The following RASSF7 variants were observed in gnomAD, a reference collection of about 807,000 sequenced individuals.
RASSF7 encodes the protein Ras association domain family member 7, also known as ras association domain-containing protein 7.
A neutral mutation model predicts 33.8 loss-of-function variants in RASSF7; 41 were observed. The observed-to-expected ratio is 1.21, with a 90% CI of 0.95 to 1.57. The LOEUF is 1.57. Ranked by LOEUF, RASSF7 falls within the 40% of genes most tolerant of loss-of-function variation. The probability of loss-of-function intolerance (pLI) is 0.00; values close to 1 mark genes in which losing one functional copy is unlikely to be tolerated. For synonymous variants in RASSF7, 298 were observed against 212.8 expected (o/e 1.40, Z -3.48); for missense variants, 622 against 497.0 (o/e 1.25, Z -2.39).
At chr11:563,079 G>A (rs889517839) in intron 3 of RASSF7, 110 bp from the exon 4 acceptor site, 7 of 1,095,464 alleles carry the variant, frequency 6.4e-6, no homozygotes, top group South Asian at 3.2e-5. Context: ...AACCCCTGAC[G>A]TGGGCAGATA....
Position 562,367 on chromosome 11 carries a change from G to T in RASSF7, c.413G>T (p.Arg138Leu). 1.9e-6 allele frequency: 3 copies of T among 1,596,688 alleles called. No homozygotes were observed. The highest frequency in any genetic ancestry group is 2.6e-6 in the Non-Finnish European group (3 of 1,172,206). Residue 138 changes from arginine to leucine, a missense_variant, in exon 3 of 6, where the codon CGC (arginine) becomes CTC (leucine). Transcript: ENST00000397583. ...CCCGAGCCAGCCCCCAGCCTCTCACGCCCTGGGCCTGCGGCCCCTGTGACA... is the reference window on the plus strand; with the variant it reads ...CCCGAGCCAGCCCCCAGCCTCTCACTCCCTGGGCCTGCGGCCCCTGTGACA... Reference protein sequence around the residue: ...LTPEPAPSLSRPGPAAPVTPT... With the variant: ...LTPEPAPSLSLPGPAAPVTPT...
At chr11:561,705 A>C (rs1853317316) in intron 1 of RASSF7, 57 bp from the exon 2 acceptor site, 2 of 1,605,760 alleles carry the variant, frequency 1.2e-6, no homozygotes, top group Non-Finnish European at 1.7e-6. Flanking sequence ...GGAGAGGAGG[A>C]CCAGCCTGCG....
intron 1 of RASSF7, 26 bp downstream of exon 1, chr11:561,503 C>T (rs1853301149): frequency 2.2e-6 from 3 of 1,365,012 alleles, no homozygotes; most frequent in South Asian, 1.7e-5. Flanking sequence ...AATGCTGGAT[C>T]TGGTTAATGA....
intron 3 of RASSF7, 138 bp from the exon 4 acceptor site, chr11:563,051 G>A: frequency 1.2e-6 from 1 of 864,604 alleles, no homozygotes; most frequent in South Asian, 1.8e-5. Flanking sequence ...CCGGGGACCT[G>A]ATCCCCTGTC....
At chr11:563,125 C>T (rs1297579151) in intron 3 of RASSF7, 64 bp from the exon 4 acceptor site, 4 of 1,444,902 alleles carry the variant, frequency 2.8e-6, no homozygotes, top group South Asian at 1.3e-5. Context: ...AAAGTGCTCC[C>T]TCCGGAGCAC....
Position 561,083 on chromosome 11 carries a change from G to A in RASSF7, c.-402G>A. ...CTTGGGAGCGCGGGGCGCGCCTCGA[G>A]CCGGCCGGACGCCGACTCCAACTGG... On this transcript the variant is annotated 5_prime_UTR_variant, in exon 1 of 6. Coordinates refer to ENST00000397583, the MANE Select transcript of RASSF7 (RefSeq NM_003475.4). 1.0e-6 allele frequency: 1 copy of A among 987,774 alleles called. No homozygotes were observed. The highest frequency in any genetic ancestry group is 1.2e-6 in the Non-Finnish European group (1 of 831,776). The allele number at this position is 987,774 out of a possible 1,614,324, so 61.2% of individuals were successfully genotyped here.
In RASSF7 at chr11:563,565, C is replaced by A; in HGVS notation, c.1042C>A (p.His348Asn). ...GCCTGTGTCCTCCCGCAGTGGCCCCCATGACGCAGAACTCCTGGAGGTAGC... is the reference window on the plus strand; with the variant it reads ...GCCTGTGTCCTCCCGCAGTGGCCCCAATGACGCAGAACTCCTGGAGGTAGC... ...GAQPRPRGGP[H>N]DAELLEVAAA... is the part of the protein sequence containing the mutation. The change falls in exon 6 of 6, where the codon CAT becomes AAT. Residue 348 changes from histidine to asparagine, a missense_variant. His to Asn is a moderately conservative substitution (Grantham distance 68). Coordinates refer to ENST00000397583, the MANE Select transcript of RASSF7 (RefSeq NM_003475.4). 1 of 1,612,176 alleles carries A rather than the reference C, an allele frequency of 6.2e-7. No individual in the cohort carries two copies. The highest frequency in any genetic ancestry group is 1.1e-5 in the South Asian group (1 of 91,074).
At position 562,703 on chromosome 11, in the gene RASSF7, G is replaced by C. The variant is rs375190645; in HGVS notation, c.749G>C (p.Arg250Pro). The stretch of plus-strand genomic sequence containing the variant: ...CACCAGGACCTGGCTGTTCAGGAGC[G>C]GCAGAGTGCGGAGGTGCAGGGCAGC... ...RLHQDLAVQE[R>P]QSAEVQGSLA... The change falls in exon 3 of 6, where the codon CGG becomes CCG. Residue 250 changes from arginine (R) to proline (P), a missense_variant. Physicochemically the swap from Arg to Pro is moderately radical, Grantham distance 103. Coordinates refer to ENST00000397583, the MANE Select transcript of RASSF7 (RefSeq NM_003475.4). 7 of 1,542,568 alleles carry C rather than the reference G, an allele frequency of 4.5e-6. No homozygotes were observed. The African/African-American group carries it at 6.9e-5, about 15-fold the overall frequency.
At chr11:562,021 A>G in intron 2 of RASSF7, 58 bp from the exon 3 acceptor site, 1 of 1,514,360 alleles carries the variant, frequency 6.6e-7, no homozygotes, top group Non-Finnish European at 8.9e-7. Flanking sequence ...CCAACTCTTC[A>G]AGCCAGGTGG....
At position 562,381 on chromosome 11, in the gene RASSF7, G is replaced by A; in HGVS notation, c.427G>A (p.Ala143Thr). The part of the protein sequence containing the change: ...APSLSRPGPA[A>T]PVTPTPGCCT... ...CAGCCTCTCACGCCCTGGGCCTGCG[G>A]CCCCTGTGACACCCACACCAGGCTG... Residue 143 changes from alanine (A) to threonine (T), a missense_variant, in exon 3 of 6, where the codon GCC becomes ACC. Transcript: ENST00000397583. 6.3e-7 allele frequency: 1 copy of A among 1,582,586 alleles called. No homozygotes were observed. Among genetic ancestry groups the A allele is most frequent in the Non-Finnish European group, 8.6e-7 (1 of 1,164,496 alleles).
rs2134120820 is a variant in RASSF7, at chr11:562,296, A to G, written c.342A>G (p.Val114=). The change falls in exon 3 of 6, where the codon GTA becomes GTG. Residue 114 remains valine, a synonymous_variant. Coordinates refer to ENST00000397583, the MANE Select transcript of RASSF7 (RefSeq NM_003475.4). ...ERCLIRASLP[V]KPRAALGCEP... is the part of the protein sequence containing the mutation. ...GCCTAATTCGTGCCAGCCTCCCTGTAAAGCCACGGGCTGCGCTGGGCTGTG... is the reference window on the plus strand; with the variant it reads ...GCCTAATTCGTGCCAGCCTCCCTGTGAAGCCACGGGCTGCGCTGGGCTGTG... 3.1e-6 allele frequency: 5 copies of G among 1,612,710 alleles called. No homozygotes were observed. Among genetic ancestry groups the G allele is most frequent in the Non-Finnish European group, 4.2e-6 (5 of 1,179,956 alleles).
At position 562,125 on chromosome 11, in the gene RASSF7, G is replaced by A. The variant is rs527460859; in HGVS notation, c.171G>A (p.Glu57=). Residue 57 remains glutamate, a synonymous_variant, in exon 3 of 6, where the codon GAG becomes GAA. Transcript: ENST00000397583. ...TTGTGCAGCGGCTTCGGGAGAAGGAGCGGCAGTTGCTGCCACAAGAGTGTC... is the reference window on the plus strand; with the variant it reads ...TTGTGCAGCGGCTTCGGGAGAAGGAACGGCAGTTGCTGCCACAAGAGTGTC... ...FVLVQRLREK[E]RQLLPQECPV... 1.3e-6 allele frequency: 2 copies of A among 1,540,126 alleles called. No homozygotes were observed. The highest frequency in any genetic ancestry group is 2.5e-5 in the South Asian group (2 of 79,520).
rs1853330725 is a variant in RASSF7 at position 561,807 on chromosome 11, G to A, written c.39G>A (p.Trp13Ter). The A allele has an allele frequency of 3.1e-6, 5 of 1,613,394 alleles. No individual in the cohort carries two copies. Among genetic ancestry groups the A allele is most frequent in the Non-Finnish European group, 4.2e-6 (5 of 1,180,010 alleles). ...LGLAAMELKV[W>*]VDGIQRVVCG... is the part of the protein sequence containing the mutation. ...TGGCGGCCATGGAGCTGAAGGTGTG[G>A]GTGGATGGCATCCAGCGTGTGGTCT... Residue 13 changes from tryptophan (W) to a stop codon, truncating the protein, a stop_gained, in exon 2 of 6, where the codon TGG (tryptophan) becomes TGA (stop). Coordinates refer to ENST00000397583, the MANE Select transcript of RASSF7 (RefSeq NM_003475.4). LOFTEE classifies it high-confidence loss of function.
chr11:563,952 A>G lies in RASSF7; in HGVS notation c.*307A>G, dbSNP rs148507933. On this transcript the variant is annotated 3_prime_UTR_variant, in exon 6 of 6. Coordinates refer to ENST00000397583, the MANE Select transcript of RASSF7 (RefSeq NM_003475.4). ...GGGAGAGGTCCTTCACTGTGTGTAC[A>G]CAGCAAGAGCATGTGTGTGCCACTT... is the stretch of plus-strand genomic sequence containing the variant. 13 of 483,194 alleles carry G rather than the reference A, an allele frequency of 2.7e-5. No homozygotes were observed. The highest frequency in any genetic ancestry group is 1.1e-4 in the Admixed American group (3 of 26,476). The allele number at this position is 483,194 out of a possible 1,614,324, so 29.9% of individuals were successfully genotyped here.
At position 562,688 on chromosome 11, in the gene RASSF7, T is replaced by C. The variant is rs573358473; in HGVS notation, c.734T>C (p.Leu245Pro). The C allele has an allele frequency of 1.0e-5, 16 of 1,543,898 alleles. No individual in the cohort carries two copies. In the East Asian group the frequency reaches 3.9e-4, roughly 38 times the overall value. The stretch of plus-strand genomic sequence containing the variant: ...GCCACTGAGCGCCTGCACCAGGACC[T>C]GGCTGTTCAGGAGCGGCAGAGTGCG... The part of the protein sequence containing the change: ...ASATERLHQD[L>P]AVQERQSAEV... The change falls in exon 3 of 6, where the codon CTG becomes CCG. Residue 245 changes from leucine (L) to proline (P), a missense_variant. By Grantham distance (98) the Leu-to-Pro change is moderately conservative (BLOSUM62 -3). Transcript: ENST00000397583.
chr11:562,275 A>G lies in RASSF7; in HGVS notation c.321A>G (p.Leu107=). ...GCTGTCCACCCCCGGAACGCTGCCT[A>G]ATTCGTGCCAGCCTCCCTGTAAAGC... The part of the protein sequence containing the change: ...SDSCPPPERC[L]IRASLPVKPR... Residue 107 remains leucine, a synonymous_variant, in exon 3 of 6, where the codon CTA becomes CTG. Transcript: ENST00000397583. The G allele has an allele frequency of 6.2e-7, 1 of 1,612,868 alleles. No individual in the cohort carries two copies. Among genetic ancestry groups the G allele is most frequent in the East Asian group, 2.2e-5 (1 of 44,880 alleles).
chr11:561,749 G>T lies in RASSF7; in HGVS notation c.-7-13G>T. On this transcript the variant is annotated splice_polypyrimidine_tract_variant and intron_variant, in intron 1 of 5. Transcript: ENST00000397583. ...AGGCAGGTCCTGACCCGGTGCCTGCGCCCTCCCCACAGGACAGGCATGTTG... is the reference window on the plus strand; with the variant it reads ...AGGCAGGTCCTGACCCGGTGCCTGCTCCCTCCCCACAGGACAGGCATGTTG... 1 of 1,613,062 alleles carries T rather than the reference G, an allele frequency of 6.2e-7. No homozygotes were observed. Among genetic ancestry groups the T allele is most frequent in the Non-Finnish European group, 8.5e-7 (1 of 1,179,984 alleles).
chr11:562,790 C>T lies in RASSF7; in HGVS notation c.822+14C>T. On this transcript the variant is annotated intron_variant, in intron 3 of 5. Transcript: ENST00000397583. ...CGAGCCTTGCAGGTGAGCCCGGGGA[C>T]CTGATCCCCTGTCACTCCCCCACCC... 6.9e-7 allele frequency: 1 copy of T among 1,456,582 alleles called. No homozygotes were observed. 90.2% of individuals were successfully genotyped at this position (1,456,582 alleles called of 1,614,324 possible).
At position 563,739 on chromosome 11, in the gene RASSF7, TG is replaced by T. The variant is rs965310076; in HGVS notation, c.*97del. ...TCCTCTGCCAGGCAGTGGGAAGCCCTGGGTTTGGCCTCAGGAGCTGGGGGTG... is the reference window on the plus strand; with the variant it reads ...TCCTCTGCCAGGCAGTGGGAAGCCCTGGTTTGGCCTCAGGAGCTGGGGGTG... On this transcript the variant is annotated 3_prime_UTR_variant, in exon 6 of 6. Coordinates refer to ENST00000397583, the MANE Select transcript of RASSF7 (RefSeq NM_003475.4). The T allele has an allele frequency of 1.6e-6, 2 of 1,256,620 alleles. No homozygotes were observed. Among genetic ancestry groups the T allele is most frequent in the Admixed American group, 4.4e-5 (2 of 45,952 alleles). The allele number at this position is 1,256,620 out of a possible 1,614,324, so 77.8% of individuals were successfully genotyped here.
Sources: gnomAD v4.1 joint callset for allele counts on GRCh38, gnomAD v4.1.1 for gene constraint, MANE v1.5 for transcripts, NCBI Gene and HGNC (gene_info 2026-07-23, HGNC 2026-07-21) for gene names.